Variants in TPD52 observed in about 807,000 individuals in gnomAD.
The protein encoded by TPD52 is tumor protein D52, also known as prostate and colon associated protein.
A neutral mutation model predicts 31.3 loss-of-function variants in TPD52; 17 were observed. The observed-to-expected ratio is 0.54, with a 90% CI of 0.37 to 0.82. The LOEUF (loss-of-function observed/expected upper bound fraction) is 0.82, where lower values mean the gene tolerates loss of function less well. Ranked by LOEUF, TPD52 falls within the 40% of genes least tolerant of loss-of-function variation. TPD52 has a pLI of 0.00. For missense variants in TPD52, 212 were observed against 240.1 expected (o/e 0.88, Z 0.77); for synonymous variants, 83 against 89.6 (o/e 0.93, Z 0.42).
At chr8:80,101,625 G>A (rs889855966) in intron 1 of TPD52, among the ~76,000 whole-genome samples, 7 of 152,104 alleles carry the variant, frequency 4.6e-5, no homozygotes, top group African/African-American at 1.4e-4. Context: ...TGTGAGGGTC[G>A]CAGGAAGCTT....
In TPD52 at chr8:80,150,534, T is replaced by G. The variant is rs147440212; in HGVS notation, c.19+20891A>C. On this transcript the variant is annotated intron_variant, in intron 1 of 7. Transcript: ENST00000518937. Reference sequence around the variant, plus strand: ...GCCACAGACACTCAACGCCAGCCCGTGAAAGCAGCTGGGAGGGAAGCTGTA... The same window carrying G: ...GCCACAGACACTCAACGCCAGCCCGGGAAAGCAGCTGGGAGGGAAGCTGTA... Among the ~76,000 whole-genome samples, 1,254 of 152,232 alleles carry G rather than the reference T, an allele frequency of 8.2e-3. 16 individuals are homozygous for G. The highest frequency in any genetic ancestry group is 0.028 in the African/African-American group (1,155 of 41,542).
At chr8:80,169,360 G>A (rs10504712) in intron 1 of TPD52, among the ~76,000 whole-genome samples, 3,720 of 152,168 alleles carry the variant, frequency 0.024, 135 homozygotes, top group African/African-American at 0.084. Context: ...TCTTTCATTC[G>A]GAGCAGAGTC....
chr8:80,124,070 G>A (rs149922610), intron 1 of TPD52, among the ~76,000 whole-genome samples: 23 of 152,206 alleles, frequency 1.5e-4, no homozygotes, highest in African/African-American at 4.6e-4. Flanking sequence ...TCCCTCTTTG[G>A]AGAACTGTGC....
At chr8:80,066,677 G>T (rs1813189072) in intron 1 of TPD52, among the ~76,000 whole-genome samples, 1 of 152,114 alleles carries the variant, frequency 6.6e-6, no homozygotes, top group Non-Finnish European at 1.5e-5. Context: ...CTGCTAGCTG[G>T]CATTGGCACC....
rs543395464 is a variant in TPD52 at position 80,064,953 on chromosome 8, T to C, written c.20-360A>G. The C allele has an allele frequency of 1.5e-5, 6 of 413,452 alleles. No individual in the cohort carries two copies. The East Asian group carries it at 4.1e-4, about 28-fold the overall frequency. The allele number at this position is 413,452 out of a possible 1,614,324, so 25.6% of individuals were successfully genotyped here. On this transcript the variant is annotated intron_variant, in intron 1 of 7. Coordinates refer to ENST00000518937, the MANE Select transcript of TPD52 (RefSeq NM_001025253.3). ...AATCAGTATAAATTAGATGAAAGATTTTAGCTCCTTCCCAGTAACCCAGGG... is the reference window on the plus strand; with the variant it reads ...AATCAGTATAAATTAGATGAAAGATCTTAGCTCCTTCCCAGTAACCCAGGG...
intron 1 of TPD52, among the ~76,000 whole-genome samples, chr8:80,167,437 C>T (rs1247212193): frequency 6.6e-6 from 1 of 152,202 alleles, no homozygotes. Flanking sequence ...ATCACAACCC[C>T]TCCTACCACT....
intron 1 of TPD52, among the ~76,000 whole-genome samples, chr8:80,119,536 G>GA (rs540701180): frequency 7.9e-5 from 12 of 152,162 alleles, no homozygotes; most frequent in Admixed American, 7.2e-4. Context: ...TTTTCTGGGG[G>GA]AAAAAAAGTC....
chr8:80,042,548 AT>A, intron 7 of TPD52, 71 bp downstream of exon 7: 1 of 1,551,116 alleles, frequency 6.4e-7, no homozygotes. Flanking sequence ...AATGTCAATG[AT>A]TTTCGCACAG....
At chr8:80,095,383 C>G (rs978659523) in intron 1 of TPD52, among the ~76,000 whole-genome samples, 18 of 152,062 alleles carry the variant, frequency 1.2e-4, no homozygotes, top group Non-Finnish European at 2.6e-4. Flanking sequence ...GCAGGAATGA[C>G]TAGGTTGGGG....
intron 1 of TPD52, among the ~76,000 whole-genome samples, chr8:80,099,463 C>T (rs1806569526): frequency 6.6e-6 from 1 of 151,734 alleles, no homozygotes; most frequent in African/African-American, 2.4e-5. Context: ...AAGAACCTTC[C>T]ACCACAGGTG....
chr8:80,038,199 A>T lies in TPD52; in HGVS notation c.541T>A (p.Phe181Ile). ...GCAGCCGAATTCAAGACTTCTCCAA[A>T]ATCACCACCAGCAGGCTTGGTTCCC... The part of the protein sequence containing the change: ...VGGTKPAGGD[F>I]GEVLNSAANA... The change falls in exon 8 of 8, where the codon TTT (phenylalanine) becomes ATT (isoleucine). Residue 181 changes from phenylalanine (F) to isoleucine (I), a missense_variant. Transcript: ENST00000518937. The T allele has an allele frequency of 6.8e-6, 11 of 1,614,102 alleles. No homozygotes were observed. The highest frequency in any genetic ancestry group is 9.3e-6 in the Non-Finnish European group (11 of 1,179,984).
intron 1 of TPD52, chr8:80,080,475 T>C (rs759625470): frequency 8.1e-6 from 13 of 1,612,766 alleles, no homozygotes; most frequent in Middle Eastern, 1.7e-4. Flanking sequence ...GCAGAATGCA[T>C]GGCTGTCTAA....
intron 1 of TPD52, among the ~76,000 whole-genome samples, chr8:80,129,659 C>G (rs1437156875): frequency 3.3e-5 from 5 of 151,490 alleles, no homozygotes; most frequent in Non-Finnish European, 7.4e-5. Flanking sequence ...AAAGGAGAAC[C>G]GTGGCATCCT....
chr8:80,116,777 TAA>T (rs11296093), intron 1 of TPD52, among the ~76,000 whole-genome samples: 3,197 of 145,830 alleles, frequency 0.022, 96 homozygotes, highest in African/African-American at 0.071. Context: ...CTAGGAATGT[TAA>T]AAAAAAAAAA....
intron 1 of TPD52, among the ~76,000 whole-genome samples, chr8:80,101,641 C>A (rs946812006): frequency 3.9e-5 from 6 of 152,032 alleles, no homozygotes; most frequent in Non-Finnish European, 7.4e-5. Context: ...AGCTTCCACT[C>A]ATAGTGGAAG....
At chr8:80,167,917 G>A (rs1811821880) in intron 1 of TPD52, among the ~76,000 whole-genome samples, 1 of 152,178 alleles carries the variant, frequency 6.6e-6, no homozygotes, top group East Asian at 1.9e-4. Flanking sequence ...ACTAACATGA[G>A]AGCACTCAAG....
At chr8:80,151,958 G>T (rs1365332984) in intron 1 of TPD52, among the ~76,000 whole-genome samples, 2 of 152,150 alleles carry the variant, frequency 1.3e-5, no homozygotes, top group African/African-American at 4.8e-5. Flanking sequence ...AATGTTAATT[G>T]CGCTTATGTT....
intron 1 of TPD52, among the ~76,000 whole-genome samples, chr8:80,145,876 A>C (rs1810158169): frequency 6.6e-6 from 1 of 152,134 alleles, no homozygotes; most frequent in African/African-American, 2.4e-5. Context: ...ATTTTTTGGA[A>C]GGGGAGGAGG....
chr8:80,088,971 A>T (rs1438545554), intron 1 of TPD52, among the ~76,000 whole-genome samples: 1 of 152,210 alleles, frequency 6.6e-6, no homozygotes. Flanking sequence ...CTGGGATTAC[A>T]GGCGTGAACC....
Sources: allele counts gnomAD v4.1 joint callset (sites outside exome capture counted in the v4.1 genomes callset), GRCh38; gene constraint gnomAD v4.1.1; transcripts MANE v1.5; gene names NCBI Gene and HGNC (gene_info 2026-07-23, HGNC 2026-07-21).